CLINT1: variants seen among roughly 807,000 people sequenced by gnomAD.
CLINT1 encodes clathrin interactor 1, also known as clathrin interacting protein localized in the trans-Golgi region.
Under a neutral mutation model 70.4 loss-of-function variants are expected in CLINT1, and 15 were observed. The observed-to-expected ratio is 0.21, with a 90% CI of 0.14 to 0.33. The LOEUF (loss-of-function observed/expected upper bound fraction) is 0.33. Ranked by LOEUF, CLINT1 falls within the 10% of genes least tolerant of loss-of-function variation. The pLI is 1.00. For synonymous variants in CLINT1, 227 were observed against 254.7 expected (o/e 0.89, Z 1.04); for missense variants, 615 against 778.1 (o/e 0.79, Z 2.49).
intron 1 of CLINT1, 53 bp from the exon 2 acceptor site, chr5:157,817,600 G>T: frequency 8.4e-7 from 1 of 1,188,280 alleles, no homozygotes; most frequent in Non-Finnish European, 1.2e-6. Context: ...CATCAAAACT[G>T]AGAAACACAT....
At chr5:157,818,492 A>AAT (rs1762787380) in intron 1 of CLINT1, among the ~76,000 whole-genome samples, 1 of 147,630 alleles carries the variant, frequency 6.8e-6, no homozygotes, top group South Asian at 2.1e-4. Context: ...AAAAAAAAAA[A>AAT]TTAAAAATTA....
chr5:157,828,508 A>G (rs1293915163), intron 1 of CLINT1, among the ~76,000 whole-genome samples: 1 of 152,146 alleles, frequency 6.6e-6, no homozygotes, highest in Non-Finnish European at 1.5e-5. Flanking sequence ...TGTACATGTG[A>G]GCAAAGCCCG....
At chr5:157,820,909 G>A (rs2113229490) in intron 1 of CLINT1, among the ~76,000 whole-genome samples, 1 of 152,188 alleles carries the variant, frequency 6.6e-6, no homozygotes, top group South Asian at 2.1e-4. Context: ...AATTTGATCT[G>A]CAAACAAAAT....
chr5:157,817,684 T>C, intron 1 of CLINT1, 137 bp from the exon 2 acceptor site: 2 of 580,610 alleles, frequency 3.4e-6, no homozygotes. Context: ...ACATCTTTTG[T>C]GCACAAGCTA....
At chr5:157,798,553 C>T (rs761214701) in intron 8 of CLINT1, among the ~76,000 whole-genome samples, 2 of 151,980 alleles carry the variant, frequency 1.3e-5, no homozygotes, top group African/African-American at 2.4e-5. Context: ...GAAGAATTTA[C>T]ACAACATTAA....
chr5:157,806,048 C>T lies in CLINT1; in HGVS notation c.760G>A (p.Glu254Lys). Reference protein sequence around the residue: ...RSPKGEFKDEEETVTTKHIHI... With the variant: ...RSPKGEFKDEKETVTTKHIHI... The stretch of plus-strand genomic sequence containing the variant: ...ATATGCTTTGTCGTCACAGTCTCCT[C>T]TTCATCTTTGAATTCACCTTTGGGA... The change falls in exon 7 of 12, where the codon GAG becomes AAG. Residue 254 changes from glutamate (E) to lysine (K), a missense_variant. Coordinates refer to ENST00000411809, the MANE Select transcript of CLINT1 (RefSeq NM_014666.4). The T allele has an allele frequency of 6.2e-7, 1 of 1,613,976 alleles. No homozygotes were observed.
Position 157,817,622 on chromosome 5 carries a change from A to G in CLINT1, c.42-75T>C, listed in dbSNP as rs61524479. 7.3e-3 allele frequency: 7,081 copies of G among 965,100 alleles called. 334 individuals are homozygous for G. The African/African-American group carries it at 0.1, about 14-fold the overall frequency. The allele number at this position is 965,100 out of a possible 1,614,324, so 59.8% of individuals were successfully genotyped here. On this transcript the variant is annotated intron_variant, in intron 1 of 11. Transcript: ENST00000411809. ...ACTGAGAAACACATGAAAACTTAAT[A>G]ATGACACTACTGGGTGTCCTAATGA...
chr5:157,846,427 T>G (rs1753383143), intron 1 of CLINT1, among the ~76,000 whole-genome samples: 1 of 152,170 alleles, frequency 6.6e-6, no homozygotes, highest in African/African-American at 2.4e-5. Flanking sequence ...AGGCCCTAAC[T>G]CTATACAGTT....
At chr5:157,788,252 C>T (rs1055073422) in intron 11 of CLINT1, among the ~76,000 whole-genome samples, 9 of 152,072 alleles carry the variant, frequency 5.9e-5, no homozygotes, top group African/African-American at 1.9e-4. Context: ...AAAAACATTC[C>T]TACAAAACCT....
At position 157,795,990 on chromosome 5, in the gene CLINT1, C is replaced by A. The variant is rs149575733; in HGVS notation, c.1013-1018G>T. On this transcript the variant is annotated intron_variant, in intron 8 of 11. Coordinates refer to ENST00000411809, the MANE Select transcript of CLINT1 (RefSeq NM_014666.4). Reference sequence around the variant, plus strand: ...AGGTTGCAGTGAGCCAAGATTGCTGCGCTCCAGATTGGGCAACACAGTGAG... The same window carrying A: ...AGGTTGCAGTGAGCCAAGATTGCTGAGCTCCAGATTGGGCAACACAGTGAG... The A allele has an allele frequency of 5.3e-5, 8 of 152,226 alleles. No homozygotes were observed. In the East Asian group the frequency reaches 1.5e-3, roughly 29 times the overall value. 9.4% of individuals were successfully genotyped at this position (152,226 alleles called of 1,614,324 possible). A position where few individuals can be genotyped will look rare whatever the true frequency, so the allele number is the denominator to read the frequency against.
intron 1 of CLINT1, among the ~76,000 whole-genome samples, chr5:157,829,707 T>A (rs1191385095): frequency 7.3e-6 from 1 of 136,710 alleles, no homozygotes; most frequent in Non-Finnish European, 1.6e-5. Context: ...TTTTTTTTTT[T>A]TTTTTTGTAT....
chr5:157,817,136 T>C (rs960017219), intron 2 of CLINT1, among the ~76,000 whole-genome samples: 4 of 152,164 alleles, frequency 2.6e-5, no homozygotes, highest in Non-Finnish European at 5.9e-5. Flanking sequence ...AAAATTTTTT[T>C]GTAACTTTCA....
intron 1 of CLINT1, among the ~76,000 whole-genome samples, chr5:157,832,057 G>A (rs141369737): frequency 0.01 from 1,529 of 152,090 alleles, 23 homozygotes; most frequent in African/African-American, 0.035. Flanking sequence ...GTAGGATCTC[G>A]GCTCGCTGCA....
At chr5:157,858,719 A>T (rs1415539581) in intron 1 of CLINT1, among the ~76,000 whole-genome samples, 1 of 152,148 alleles carries the variant, frequency 6.6e-6, no homozygotes, top group African/African-American at 2.4e-5. Context: ...GGTGGCCAAG[A>T]GGATGTTTTT....
At chr5:157,824,410 C>T (rs74993794) in intron 1 of CLINT1, among the ~76,000 whole-genome samples, 2,734 of 152,026 alleles carry the variant, frequency 0.018, 81 homozygotes, top group African/African-American at 0.063. Context: ...TCATTGTTAA[C>T]GAAATATCTG....
intron 1 of CLINT1, among the ~76,000 whole-genome samples, chr5:157,835,321 T>G (rs1399247468): frequency 1.3e-5 from 2 of 152,060 alleles, no homozygotes; most frequent in Non-Finnish European, 2.9e-5. Flanking sequence ...TGTTAATAAA[T>G]CAGCAATTTT....
intron 1 of CLINT1, among the ~76,000 whole-genome samples, chr5:157,840,298 G>A (rs1295057606): frequency 6.8e-6 from 1 of 147,690 alleles, no homozygotes; most frequent in African/African-American, 2.5e-5. Context: ...AATGCCTGTC[G>A]TGAAAGACAA....
rs902092826 is a variant in CLINT1 at position 157,803,682 on chromosome 5, A to G, written c.980T>C (p.Val327Ala). The G allele has an allele frequency of 6.4e-7, 1 of 1,551,316 alleles. No individual in the cohort carries two copies. ...VPSSKSSGDL[V>A]DLFDGTSQST... ...CTGGCTGGTGCCATCAAACAGATCA[A>G]CAAGGTCACCAGATGACTTGCTGCT... Residue 327 changes from valine to alanine, a missense_variant, in exon 8 of 12, where the codon GTT becomes GCT. Val to Ala is a moderately conservative substitution (Grantham distance 64). This residue lies in a region of CLINT1 where 374 missense variants were observed against 409.6 expected (regional missense o/e 0.91). Transcript: ENST00000411809.
chr5:157,813,971 T>G (rs1762636772), intron 4 of CLINT1, among the ~76,000 whole-genome samples: 1 of 152,158 alleles, frequency 6.6e-6, no homozygotes, highest in South Asian at 2.1e-4. Context: ...AACACTCATG[T>G]TGTGTTGGTT....
Sources: allele counts gnomAD v4.1 joint callset (sites outside exome capture counted in the v4.1 genomes callset), GRCh38; gene constraint gnomAD v4.1.1; regional missense constraint gnomAD v4.1.1; transcripts MANE v1.5; gene names NCBI Gene and HGNC (gene_info 2026-07-23, HGNC 2026-07-21).